Variants in RGS7 observed in about 807,000 individuals in gnomAD.
The protein encoded by RGS7 is regulator of G-protein signaling 7.
In RGS7, 27 loss-of-function variants were observed where a neutral mutation model predicts 81.1. The ratio of observed to expected loss-of-function variants is 0.33; its 90% CI spans 0.25 to 0.46. RGS7 has a LOEUF of 0.46. RGS7 is among the 20% of genes least tolerant of loss of function. The pLI, the probability that RGS7 is intolerant of heterozygous loss-of-function variation, is 1.00. For synonymous variants in RGS7, 208 were observed against 207.7 expected (o/e 1.00, Z -0.01); for missense variants, 396 against 607.4 (o/e 0.65, Z 3.66).
At chr1:241,192,475 T>G (rs1019667351) in intron 2 of RGS7, among the ~76,000 whole-genome samples, 1 of 152,150 alleles carries the variant, frequency 6.6e-6, no homozygotes, top group Non-Finnish European at 1.5e-5. Flanking sequence ...TGTATAATGT[T>G]CAGAATTTTT....
intron 18 of RGS7, among the ~76,000 whole-genome samples, chr1:240,795,655 C>T (rs553375899): frequency 1.4e-4 from 22 of 152,194 alleles, no homozygotes; most frequent in Non-Finnish European, 2.6e-4. Context: ...ACAACCCAAA[C>T]GTCCATTAAT....
chr1:241,310,424 T>A (rs374996904), intron 2 of RGS7, among the ~76,000 whole-genome samples: 2 of 118,340 alleles, frequency 1.7e-5, no homozygotes, highest in African/African-American at 5.3e-5. Flanking sequence ...TGTGTGAGAG[T>A]GTATGTGTGT....
intron 2 of RGS7, among the ~76,000 whole-genome samples, chr1:241,159,356 T>C (rs2069442652): frequency 6.6e-6 from 1 of 152,204 alleles, no homozygotes. Context: ...ATTATCTCCA[T>C]GTCCCTTTTA....
At chr1:240,854,270 C>A (rs977600538) in intron 9 of RGS7, among the ~76,000 whole-genome samples, 11 of 152,172 alleles carry the variant, frequency 7.2e-5, no homozygotes, top group African/African-American at 2.4e-4. Flanking sequence ...CTTGATAATA[C>A]AACTGGAATT....
At chr1:240,784,378 C>G (rs975150618) in intron 18 of RGS7, among the ~76,000 whole-genome samples, 1 of 151,608 alleles carries the variant, frequency 6.6e-6, no homozygotes, top group Non-Finnish European at 1.5e-5. Context: ...CGATGTCTCA[C>G]GCCTGTAATC....
intron 10 of RGS7, chr1:240,822,945 C>G (rs992188042): frequency 1.5e-5 from 7 of 461,108 alleles, no homozygotes; most frequent in Non-Finnish European, 2.8e-5. Context: ...AAACAGTGAA[C>G]GAATAAATAA....
intron 5 of RGS7, among the ~76,000 whole-genome samples, chr1:240,933,090 G>A (rs1009452816): frequency 1.3e-5 from 2 of 150,004 alleles, no homozygotes; most frequent in African/African-American, 4.9e-5. Context: ...CACCGTGTTA[G>A]CCAGGATGGT....
At chr1:240,877,504 C>T (rs903611358) in intron 6 of RGS7, among the ~76,000 whole-genome samples, 1 of 151,962 alleles carries the variant, frequency 6.6e-6, no homozygotes, top group African/African-American at 2.4e-5. Flanking sequence ...AACTGTACCA[C>T]ACATGCTGTA....
At position 240,869,812 on chromosome 1, in the gene RGS7, C is replaced by T. The variant is rs145777739; in HGVS notation, c.450+243G>A. On this transcript the variant is annotated intron_variant, in intron 7 of 18. Transcript: ENST00000440928. ...AAAATTATCTGGGCGTGGTGGTGCA[C>T]GCCTATAATCCCAGCTACTCCAGAG... 7.0e-3 allele frequency among the ~76,000 whole-genome samples: 1,066 copies of T among 152,236 alleles called. 10 individuals carry two copies. Among genetic ancestry groups the T allele is most frequent in the African/African-American group, 0.025 (1,031 of 41,536 alleles).
intron 2 of RGS7, among the ~76,000 whole-genome samples, chr1:241,155,356 C>A (rs957014421): frequency 6.6e-6 from 1 of 152,010 alleles, no homozygotes; most frequent in African/African-American, 2.4e-5. Flanking sequence ...CCTCTGCCTC[C>A]CAAAGTGTTG....
chr1:241,269,381 C>A (rs2077754350), intron 2 of RGS7, among the ~76,000 whole-genome samples: 1 of 152,232 alleles, frequency 6.6e-6, no homozygotes, highest in Admixed American at 6.5e-5. Flanking sequence ...TGGAAGAGCA[C>A]TGGGTTCAAG....
At chr1:240,902,851 G>C (rs1670233201) in intron 6 of RGS7, among the ~76,000 whole-genome samples, 1 of 152,086 alleles carries the variant, frequency 6.6e-6, no homozygotes, top group Non-Finnish European at 1.5e-5. Flanking sequence ...GCAAATAATA[G>C]GACATACAAT....
intron 2 of RGS7, among the ~76,000 whole-genome samples, chr1:241,286,037 G>T (rs2078789813): frequency 6.6e-6 from 1 of 152,102 alleles, no homozygotes; most frequent in Non-Finnish European, 1.5e-5. Flanking sequence ...ACATCCTTTT[G>T]AATTCAACAC....
intron 9 of RGS7, among the ~76,000 whole-genome samples, chr1:240,867,025 A>T (rs762307863): frequency 6.6e-6 from 1 of 152,228 alleles, no homozygotes; most frequent in Non-Finnish European, 1.5e-5. Context: ...AACAAAAAAA[A>T]TAAAAATCCT....
chr1:240,896,804 T>C (rs995381391), intron 6 of RGS7, among the ~76,000 whole-genome samples: 2 of 152,234 alleles, frequency 1.3e-5, no homozygotes, highest in Non-Finnish European at 2.9e-5. Flanking sequence ...AAAGTAGTTT[T>C]TTCCAGTTCT....
intron 18 of RGS7, among the ~76,000 whole-genome samples, chr1:240,782,603 G>T (rs2102973618): frequency 6.6e-6 from 1 of 151,680 alleles, no homozygotes; most frequent in Non-Finnish European, 1.5e-5. Flanking sequence ...TTTATTTTTA[G>T]TAGAGATGAG....
At chr1:240,892,390 A>G (rs1162485678) in intron 6 of RGS7, among the ~76,000 whole-genome samples, 5 of 152,236 alleles carry the variant, frequency 3.3e-5, no homozygotes, top group African/African-American at 7.2e-5. Flanking sequence ...CTTGACTGCA[A>G]TTTCAAGCTA....
chr1:241,210,066 G>A (rs2074156208), intron 2 of RGS7, among the ~76,000 whole-genome samples: 1 of 152,082 alleles, frequency 6.6e-6, no homozygotes, highest in Non-Finnish European at 1.5e-5. Flanking sequence ...TTCTCTAACT[G>A]CACTTAAATT....
At chr1:241,138,761 A>G (rs2067706240) in intron 2 of RGS7, among the ~76,000 whole-genome samples, 1 of 152,044 alleles carries the variant, frequency 6.6e-6, no homozygotes, top group Admixed American at 6.6e-5. Flanking sequence ...GGCTATTTCC[A>G]TTTTTTGCTA....
Sources: gnomAD v4.1 joint callset for allele counts (sites outside exome capture counted in the v4.1 genomes callset) on GRCh38, gnomAD v4.1.1 for gene constraint, MANE v1.5 for transcripts, NCBI Gene and HGNC (gene_info 2026-07-23, HGNC 2026-07-21) for gene names.